KCNIP4: variants seen among roughly 807,000 people sequenced by gnomAD.
KCNIP4 encodes potassium voltage-gated channel interacting protein 4.
In KCNIP4, 12 loss-of-function variants were observed where a neutral mutation model predicts 34.0. The ratio of observed to expected loss-of-function variants is 0.35; its 90% CI spans 0.23 to 0.57. KCNIP4 has a LOEUF of 0.57. Ranked by LOEUF, KCNIP4 falls within the 20% of genes least tolerant of loss-of-function variation. The pLI is 0.83. For synonymous variants in KCNIP4, 124 were observed against 102.2 expected, an observed-to-expected ratio of 1.21 and a Z score of -1.29; for missense variants, 238 against 311.7, an observed-to-expected ratio of 0.76 and a Z score of 1.78.
At chr4:21,890,274 G>C (rs1727016221) in intron 1 of KCNIP4, among the ~76,000 whole-genome samples, 1 of 152,102 alleles carries the variant, frequency 6.6e-6, no homozygotes, top group South Asian at 2.1e-4. Context: ...TTAAGAATTT[G>C]GAAAAGCTGA....
chr4:21,240,924 G>A (rs2109049375), intron 1 of KCNIP4, among the ~76,000 whole-genome samples: 1 of 152,188 alleles, frequency 6.6e-6, no homozygotes, highest in Middle Eastern at 3.4e-3. Flanking sequence ...CAGTCAGATG[G>A]TTATCCATAA....
intron 1 of KCNIP4, among the ~76,000 whole-genome samples, chr4:21,245,961 T>C (rs897867383): frequency 1.3e-5 from 2 of 152,114 alleles, no homozygotes; most frequent in Admixed American, 6.6e-5. Context: ...GTTTTCTTAA[T>C]GAAGAGGAAA....
chr4:21,571,954 A>G (rs553826705), intron 1 of KCNIP4, among the ~76,000 whole-genome samples: 16 of 152,312 alleles, frequency 1.1e-4, no homozygotes, highest in African/African-American at 3.8e-4. Context: ...TTGAAGAAAC[A>G]GATTCTTAGA....
chr4:21,310,706 A>G (rs1248188367), intron 1 of KCNIP4, among the ~76,000 whole-genome samples: 1 of 151,692 alleles, frequency 6.6e-6, no homozygotes, highest in Non-Finnish European at 1.5e-5. Flanking sequence ...ATTTCGGGTC[A>G]TTGCAAGCTC....
At chr4:21,865,708 A>C (rs1339043988) in intron 1 of KCNIP4, among the ~76,000 whole-genome samples, 2 of 151,434 alleles carry the variant, frequency 1.3e-5, no homozygotes, top group East Asian at 3.9e-4. Context: ...ATGCCCAGCT[A>C]ATTTTTGTAT....
chr4:21,861,280 A>G (rs1725058687), intron 1 of KCNIP4, among the ~76,000 whole-genome samples: 1 of 152,212 alleles, frequency 6.6e-6, no homozygotes, highest in Non-Finnish European at 1.5e-5. Flanking sequence ...TTTTTTGGTA[A>G]ATTTATATAA....
At chr4:20,845,252 G>T (rs1014863993) in intron 3 of KCNIP4, among the ~76,000 whole-genome samples, 1 of 152,102 alleles carries the variant, frequency 6.6e-6, no homozygotes, top group African/African-American at 2.4e-5. Flanking sequence ...GGGACAACAG[G>T]AAAACCACTA....
rs545961781 is a variant in KCNIP4 at position 21,775,404 on chromosome 4, G to C, written c.61+173167C>G. Reference sequence around the variant, plus strand: ...GCCAGCAGGATTGTTCCTGTATAGGGTATCTGACAACCCCTGTTGGAAGTC... The same window carrying C: ...GCCAGCAGGATTGTTCCTGTATAGGCTATCTGACAACCCCTGTTGGAAGTC... On this transcript the variant is annotated intron_variant, in intron 1 of 8. Transcript: ENST00000382152. 6.6e-5 allele frequency among the ~76,000 whole-genome samples: 10 copies of C among 152,304 alleles called. No homozygotes were observed. The South Asian group carries it at 2.1e-3, about 32-fold the overall frequency.
intron 1 of KCNIP4, among the ~76,000 whole-genome samples, chr4:21,125,497 G>A (rs562471773): frequency 1.3e-5 from 2 of 152,094 alleles, no homozygotes; most frequent in South Asian, 2.1e-4. Flanking sequence ...TTCCAGGTGT[G>A]AGCCAACGCG....
rs527905319 is a variant in KCNIP4, at chr4:20,792,018, T to C, written c.289-33128A>G. 2.3e-3 allele frequency among the ~76,000 whole-genome samples: 350 copies of C among 152,312 alleles called. 1 individual carries two copies. Among genetic ancestry groups the C allele is most frequent in the Admixed American group, 4.7e-3 (72 of 15,290 alleles). On this transcript the variant is annotated intron_variant, in intron 3 of 8. Coordinates refer to ENST00000382152, the MANE Select transcript of KCNIP4 (RefSeq NM_025221.6). ...CAGTTCCTTAAAATAAACTTCTATATATACATCTATACACGTTATTGATTG... is the reference window on the plus strand; with the variant it reads ...CAGTTCCTTAAAATAAACTTCTATACATACATCTATACACGTTATTGATTG...
At chr4:21,077,432 TAA>T (rs1274861447) in intron 1 of KCNIP4, among the ~76,000 whole-genome samples, 4 of 152,140 alleles carry the variant, frequency 2.6e-5, no homozygotes, top group Non-Finnish European at 5.9e-5. Context: ...TGGCTTATTA[TAA>T]TGCTGGTCTT....
chr4:20,850,434 T>C (rs976988021), intron 3 of KCNIP4, 109 bp downstream of exon 3: 3 of 1,159,428 alleles, frequency 2.6e-6, no homozygotes, highest in Admixed American at 2.0e-5. Flanking sequence ...GTATGAAATA[T>C]ACATATGATG....
intron 1 of KCNIP4, among the ~76,000 whole-genome samples, chr4:21,939,029 T>G (rs139439031): frequency 6.6e-6 from 1 of 152,134 alleles, no homozygotes; most frequent in East Asian, 1.9e-4. Flanking sequence ...TAACTGTCAT[T>G]GAGATCTAAA....
Position 20,758,903 on chromosome 4 carries a change from G to A in KCNIP4, c.289-13C>T, listed in dbSNP as rs766367639. The stretch of plus-strand genomic sequence containing the variant: ...CACTGGGGCATTCCTAGGGAAAGTG[G>A]CAGAGAAGCAATATGAGCAAAGTGT... On this transcript the variant is annotated splice_polypyrimidine_tract_variant and intron_variant, in intron 3 of 8. Transcript: ENST00000382152. 6.2e-7 allele frequency: 1 copy of A among 1,609,580 alleles called. No homozygotes were observed. Among genetic ancestry groups the A allele is most frequent in the African/African-American group, 1.3e-5 (1 of 74,774 alleles).
chr4:21,516,073 C>G (rs1337370661), intron 1 of KCNIP4, among the ~76,000 whole-genome samples: 5 of 152,078 alleles, frequency 3.3e-5, no homozygotes, highest in African/African-American at 9.7e-5. Context: ...ATAAACAAAT[C>G]AAGAAACTGG....
At chr4:21,714,829 ATT>A (rs569294635) in intron 1 of KCNIP4, among the ~76,000 whole-genome samples, 1 of 192 alleles carries the variant, frequency 5.2e-3, no homozygotes, top group Admixed American at 0.083. Context: ...ATTTTATTTT[ATT>A]TTATTTTATT....
chr4:21,016,952 T>C (rs1739598244), intron 1 of KCNIP4, among the ~76,000 whole-genome samples: 1 of 152,202 alleles, frequency 6.6e-6, no homozygotes, highest in Non-Finnish European at 1.5e-5. Flanking sequence ...TAATTTCCAT[T>C]TTAAATTAAA....
intron 1 of KCNIP4, among the ~76,000 whole-genome samples, chr4:21,274,719 G>A (rs536148601): frequency 6.6e-6 from 1 of 152,134 alleles, no homozygotes; most frequent in African/African-American, 2.4e-5. Context: ...GAACTCAAGA[G>A]CCCAAAACAT....
chr4:21,539,799 T>C (rs1456174250), intron 1 of KCNIP4, among the ~76,000 whole-genome samples: 3 of 152,030 alleles, frequency 2.0e-5, no homozygotes, highest in Non-Finnish European at 2.9e-5. Context: ...GCCAACACAG[T>C]GAAACCCCGT....
Sources: gnomAD v4.1 joint callset for allele counts (sites outside exome capture counted in the v4.1 genomes callset) on GRCh38, gnomAD v4.1.1 for gene constraint, MANE v1.5 for transcripts, NCBI Gene and HGNC (gene_info 2026-07-23, HGNC 2026-07-21) for gene names.